Variants in GLG1 observed in about 807,000 individuals in gnomAD.
GLG1 encodes Golgi apparatus protein 1.
In GLG1, 38 loss-of-function variants were observed where a neutral mutation model predicts 160.5. That is an observed-to-expected ratio of 0.24 (90% CI 0.18 to 0.31). GLG1 has a LOEUF of 0.31. GLG1 is among the 10% of genes least tolerant of loss of function. The pLI is 1.00. For synonymous variants in GLG1, 644 were observed against 543.4 expected (o/e 1.19, Z -2.57); for missense variants, 1,373 against 1,505.2 (o/e 0.91, Z 1.45).
intron 1 of GLG1, among the ~76,000 whole-genome samples, chr16:74,568,624 G>T (rs2018729131): frequency 6.6e-6 from 1 of 151,958 alleles, no homozygotes; most frequent in Non-Finnish European, 1.5e-5. Context: ...CACCATGTTG[G>T]CCAGGCTGGT....
In GLG1 at chr16:74,496,624, C is replaced by G. The variant is rs2016197708; in HGVS notation, c.795G>C (p.Glu265Asp). ...LGEKDAHSQGEVVSCLEKGLV... is the reference protein window; with the variant it reads ...LGEKDAHSQGDVVSCLEKGLV... ...GGCCTTTCTCCAAGCATGATACCACCTCACCTTGTGAATGTGCATCCTAAA... is the reference window on the plus strand; with the variant it reads ...GGCCTTTCTCCAAGCATGATACCACGTCACCTTGTGAATGTGCATCCTAAA... Residue 265 changes from glutamate (E) to aspartate (D), a missense_variant, in exon 5 of 26, where the codon GAG becomes GAC. By Grantham distance (45) the Glu-to-Asp change is conservative. This residue lies in a region of GLG1 where 174 missense variants were observed against 229.9 expected (regional missense o/e 0.76). Coordinates refer to ENST00000422840, the MANE Select transcript of GLG1 (RefSeq NM_001145667.2). 6.2e-7 allele frequency: 1 copy of G among 1,611,272 alleles called. No individual in the cohort carries two copies. The highest frequency in any genetic ancestry group is 1.3e-5 in the African/African-American group (1 of 74,772).
chr16:74,549,924 GGCAACATAGC>G (rs2018151724), intron 1 of GLG1, among the ~76,000 whole-genome samples: 1 of 151,760 alleles, frequency 6.6e-6, no homozygotes. Flanking sequence ...GACCAGCCTG[GGCAACATAGC>G]AAAACCCCAA....
chr16:74,517,603 G>T (rs2017019325), intron 2 of GLG1, among the ~76,000 whole-genome samples: 2 of 152,094 alleles, frequency 1.3e-5, no homozygotes, highest in Non-Finnish European at 2.9e-5. Flanking sequence ...ATACTGAATG[G>T]GCAAAAACTA....
At chr16:74,571,179 T>C (rs2018816465) in intron 1 of GLG1, among the ~76,000 whole-genome samples, 1 of 152,016 alleles carries the variant, frequency 6.6e-6, no homozygotes, top group African/African-American at 2.4e-5. Context: ...CCAGTTGCTT[T>C]TTTCACCCAA....
At chr16:74,535,568 G>T (rs1461858580) in intron 1 of GLG1, among the ~76,000 whole-genome samples, 2 of 152,178 alleles carry the variant, frequency 1.3e-5, no homozygotes, top group African/African-American at 4.8e-5. Context: ...TAGTAGCTGA[G>T]ACTAAAGGTA....
In GLG1 at chr16:74,473,532, C is replaced by T. The variant is rs193273593; in HGVS notation, c.2052+1014G>A. Among the ~76,000 whole-genome samples the T allele has an allele frequency of 3.3e-4, 50 of 150,922 alleles. No individual in the cohort carries two copies. The East Asian group carries it at 6.4e-3, about 19-fold the overall frequency. On this transcript the variant is annotated intron_variant, in intron 13 of 25. Coordinates refer to ENST00000422840, the MANE Select transcript of GLG1 (RefSeq NM_001145667.2). ...TCGGCTCACTGGAAGCTCCGCCTCCCGGGTTCACGCCACTCTCCTGCCTCA... is the reference window on the plus strand; with the variant it reads ...TCGGCTCACTGGAAGCTCCGCCTCCTGGGTTCACGCCACTCTCCTGCCTCA...
intron 1 of GLG1, among the ~76,000 whole-genome samples, chr16:74,565,538 TTCAC>T (rs1423488499): frequency 1.3e-5 from 2 of 152,314 alleles, no homozygotes; most frequent in East Asian, 3.9e-4. Flanking sequence ...GCAGCCATAC[TTCAC>T]TCATAGACCG....
intron 4 of GLG1, among the ~76,000 whole-genome samples, chr16:74,498,254 A>C (rs1671653984): frequency 6.7e-6 from 1 of 150,200 alleles, no homozygotes; most frequent in African/African-American, 2.4e-5. Flanking sequence ...AACACAGTGA[A>C]ACCCTGTCTC....
rs540762165 is a variant in GLG1, at chr16:74,449,960, C to A, written c.*3207G>T. ...GGGAGAAGCTCCATTGTGAACAGTTCGTCTTGTTCTTAATAGTTTGCCCAG... is the reference window on the plus strand; with the variant it reads ...GGGAGAAGCTCCATTGTGAACAGTTAGTCTTGTTCTTAATAGTTTGCCCAG... On this transcript the variant is annotated 3_prime_UTR_variant, in exon 26 of 26. Transcript: ENST00000422840. The A allele has an allele frequency of 2.0e-5, 3 of 152,254 alleles. No homozygotes were observed. Among genetic ancestry groups the A allele is most frequent in the Non-Finnish European group, 2.9e-5 (2 of 68,068 alleles). The allele number at this position is 152,254 out of a possible 1,614,324, so 9.4% of individuals were successfully genotyped here.
chr16:74,480,539 A>C lies in GLG1; in HGVS notation c.1674-145T>G, dbSNP rs1200688229. On this transcript the variant is annotated intron_variant, in intron 10 of 25. Coordinates refer to ENST00000422840, the MANE Select transcript of GLG1 (RefSeq NM_001145667.2). Reference sequence around the variant, plus strand: ...GGAGACAGAAGATATGTAAAAGTATATTCCTGAATTTTGTTCTTTTGTTTT... The same window carrying C: ...GGAGACAGAAGATATGTAAAAGTATCTTCCTGAATTTTGTTCTTTTGTTTT... 3 of 547,972 alleles carry C rather than the reference A, an allele frequency of 5.5e-6. No individual in the cohort carries two copies. In the East Asian group the frequency reaches 9.3e-5, roughly 17 times the overall value. The allele number at this position is 547,972 out of a possible 1,614,324, so 33.9% of individuals were successfully genotyped here.
At chr16:74,480,521 G>T in intron 10 of GLG1, 127 bp from the exon 11 acceptor site, 1 of 591,402 alleles carries the variant, frequency 1.7e-6, no homozygotes, top group Non-Finnish European at 2.9e-6. Context: ...CGTGGAGACA[G>T]AAGATATGTA....
intron 2 of GLG1, among the ~76,000 whole-genome samples, chr16:74,531,618 T>C (rs916109074): frequency 1.3e-5 from 2 of 152,162 alleles, no homozygotes; most frequent in Non-Finnish European, 2.9e-5. Context: ...TGAACCACCA[T>C]GCCCGGCCTC....
chr16:74,526,384 G>T (rs981688703), intron 2 of GLG1, among the ~76,000 whole-genome samples: 3 of 145,310 alleles, frequency 2.1e-5, no homozygotes, highest in Non-Finnish European at 4.5e-5. Flanking sequence ...AAACTGATGT[G>T]GAAAGATTCA....
Position 74,452,880 on chromosome 16 carries a change from G to A in GLG1, c.*287C>T, listed in dbSNP as rs192064920. On this transcript the variant is annotated 3_prime_UTR_variant, in exon 26 of 26. Coordinates refer to ENST00000422840, the MANE Select transcript of GLG1 (RefSeq NM_001145667.2). ...AGGTGAGTTGGTTCTGGAAGTACCG[G>A]AAGTTCTGTTGGTATGAGAGAGACT... 9.0e-7 allele frequency: 1 copy of A among 1,113,950 alleles called. No individual in the cohort carries two copies. Among genetic ancestry groups the A allele is most frequent in the Non-Finnish European group, 1.1e-6 (1 of 913,438 alleles). 69.0% of individuals were successfully genotyped at this position (1,113,950 alleles called of 1,614,324 possible).
chr16:74,512,378 C>A (rs1878745571), intron 2 of GLG1, among the ~76,000 whole-genome samples: 1 of 151,714 alleles, frequency 6.6e-6, no homozygotes, highest in Admixed American at 6.6e-5. Context: ...ATTCTCCTGC[C>A]TCAGCCTCCG....
chr16:74,539,783 A>T (rs2017782793), intron 1 of GLG1, among the ~76,000 whole-genome samples: 1 of 147,962 alleles, frequency 6.8e-6, no homozygotes, highest in Non-Finnish European at 1.5e-5. Context: ...TCTAGAGAAG[A>T]TGCTCTGCCC....
chr16:74,603,456 T>C (rs1246301444), intron 1 of GLG1, among the ~76,000 whole-genome samples: 1 of 151,964 alleles, frequency 6.6e-6, no homozygotes, highest in Non-Finnish European at 1.5e-5. Context: ...CACAAACTTT[T>C]TATTAGAGAC....
chr16:74,451,671 A>G lies in GLG1; in HGVS notation c.*1496T>C, dbSNP rs2014310846. On this transcript the variant is annotated 3_prime_UTR_variant, in exon 26 of 26. Transcript: ENST00000422840. ...CAGGTTAATAAAATATATATTACAT[A>G]AATGTCTCTCCTACTGTACACACTG... 4.8e-6 allele frequency: 1 copy of G among 207,356 alleles called. No homozygotes were observed. The highest frequency in any genetic ancestry group is 1.0e-5 in the Non-Finnish European group (1 of 100,054). The allele number at this position is 207,356 out of a possible 1,614,324, so 12.8% of individuals were successfully genotyped here. A position where few individuals can be genotyped will look rare whatever the true frequency, so the allele number is the denominator to read the frequency against.
intron 2 of GLG1, among the ~76,000 whole-genome samples, chr16:74,524,611 G>A (rs565173983): frequency 3.3e-5 from 5 of 151,472 alleles, no homozygotes; most frequent in South Asian, 2.1e-4. Context: ...ATGATGTCTC[G>A]GTTATGCTTC....
Sources: allele counts gnomAD v4.1 joint callset (sites outside exome capture counted in the v4.1 genomes callset), GRCh38; gene constraint gnomAD v4.1.1; regional missense constraint gnomAD v4.1.1; transcripts MANE v1.5; gene names NCBI Gene and HGNC (gene_info 2026-07-23, HGNC 2026-07-21).